CDC27: variants seen among roughly 807,000 people sequenced by gnomAD.
CDC27 encodes the protein cell division cycle protein 27 homolog.
In CDC27, 27 loss-of-function variants were observed where a neutral mutation model predicts 109.7. That is an observed-to-expected ratio of 0.25 (90% CI 0.18 to 0.34). CDC27 has a LOEUF of 0.34. Ranked by LOEUF, CDC27 falls within the 10% of genes least tolerant of loss-of-function variation. The pLI, the probability that CDC27 is intolerant of heterozygous loss-of-function variation, is 1.00. For synonymous variants in CDC27, 266 were observed against 333.9 expected (o/e 0.80, Z 2.22); for missense variants, 579 against 960.2 (o/e 0.60, Z 5.25).
At chr17:47,152,383 G>C (rs532390264) in intron 8 of CDC27, among the ~76,000 whole-genome samples, 5 of 152,196 alleles carry the variant, frequency 3.3e-5, no homozygotes, top group African/African-American at 9.6e-5. Context: ...AAGGAGTTCA[G>C]AGGAGTAGAT....
At chr17:47,124,812 G>A (rs757745638) in intron 16 of CDC27, among the ~76,000 whole-genome samples, 4 of 152,220 alleles carry the variant, frequency 2.6e-5, no homozygotes, top group South Asian at 2.1e-4. Flanking sequence ...GGTAAATAAC[G>A]TCAAGATATT....
At chr17:47,144,611 T>C (rs1399374290) in intron 9 of CDC27, among the ~76,000 whole-genome samples, 2 of 152,186 alleles carry the variant, frequency 1.3e-5, no homozygotes, top group Non-Finnish European at 2.9e-5. Flanking sequence ...CCTCTGTACA[T>C]TTTTACTTTA....
At chr17:47,186,274 A>AC (rs1252425373) in intron 1 of CDC27, among the ~76,000 whole-genome samples, 1 of 152,172 alleles carries the variant, frequency 6.6e-6, no homozygotes, top group Non-Finnish European at 1.5e-5. Flanking sequence ...AAAATATGTT[A>AC]CTCTTTGAAT....
In CDC27 at chr17:47,171,845, C is replaced by T. The variant is rs1315398826; in HGVS notation, c.251+72G>A. ...GGAAGAAAGGGAATCAGAGTTTAATCTGAAAGGAATTTTATCCAAAATTCA... is the reference window on the plus strand; with the variant it reads ...GGAAGAAAGGGAATCAGAGTTTAATTTGAAAGGAATTTTATCCAAAATTCA... On this transcript the variant is annotated intron_variant, in intron 3 of 18. Transcript: ENST00000066544. The T allele has an allele frequency of 2.9e-6, 3 of 1,024,302 alleles. No individual in the cohort carries two copies. In the East Asian group the frequency reaches 7.9e-5, roughly 27 times the overall value. The allele number at this position is 1,024,302 out of a possible 1,614,324, so 63.5% of individuals were successfully genotyped here. A position where few individuals can be genotyped will look rare whatever the true frequency, so the allele number is the denominator to read the frequency against.
chr17:47,184,233 T>C (rs1404719754), intron 1 of CDC27, among the ~76,000 whole-genome samples: 1 of 152,238 alleles, frequency 6.6e-6, no homozygotes, highest in Non-Finnish European at 1.5e-5. Context: ...GTTTTGTGGA[T>C]TAAATGAAAT....
chr17:47,182,044 A>G (rs1216117315), intron 1 of CDC27, among the ~76,000 whole-genome samples: 4 of 152,200 alleles, frequency 2.6e-5, no homozygotes, highest in Admixed American at 6.5e-5. Context: ...CACTCATAAC[A>G]TGGTTATTTG....
At chr17:47,124,409 G>A (rs762526779) in intron 16 of CDC27, among the ~76,000 whole-genome samples, 6 of 152,090 alleles carry the variant, frequency 3.9e-5, no homozygotes, top group South Asian at 2.1e-4. Context: ...TCAGCCTCCC[G>A]CGTAACTGGG....
At chr17:47,142,086 G>A in intron 11 of CDC27, 61 bp from the exon 12 acceptor site, 1 of 1,318,984 alleles carries the variant, frequency 7.6e-7, no homozygotes, top group East Asian at 2.4e-5. Context: ...TGCTTCTCTA[G>A]AAAAGGTAAT....
intron 2 of CDC27, among the ~76,000 whole-genome samples, chr17:47,178,941 T>C (rs2064121016): frequency 6.6e-6 from 1 of 152,210 alleles, no homozygotes; most frequent in Non-Finnish European, 1.5e-5. Flanking sequence ...TGGCTGGGAT[T>C]ACAGGCATGT....
At chr17:47,131,761 T>C (rs2062343991) in intron 15 of CDC27, among the ~76,000 whole-genome samples, 1 of 145,180 alleles carries the variant, frequency 6.9e-6, no homozygotes, top group African/African-American at 2.6e-5. Flanking sequence ...CTTGCACTCC[T>C]GGGCTCAAGT....
chr17:47,133,848 A>C (rs1403907186), intron 14 of CDC27, among the ~76,000 whole-genome samples: 2 of 151,934 alleles, frequency 1.3e-5, no homozygotes, highest in Admixed American at 6.6e-5. Context: ...TCCTGGGTTC[A>C]AGCGATTTTC....
chr17:47,185,020 T>G (rs180917098), intron 1 of CDC27, among the ~76,000 whole-genome samples: 1 of 152,342 alleles, frequency 6.6e-6, no homozygotes, highest in African/African-American at 2.4e-5. Flanking sequence ...GACTGATTAA[T>G]GGGTTAGTCC....
chr17:47,170,144 AT>A, intron 3 of CDC27, 102 bp from the exon 4 acceptor site: 1 of 823,492 alleles, frequency 1.2e-6, no homozygotes, highest in Non-Finnish European at 1.8e-6. Context: ...GGAGACACAA[AT>A]TTTTTCTCTC....
chr17:47,184,353 G>A (rs1223332781), intron 1 of CDC27, among the ~76,000 whole-genome samples: 1 of 152,088 alleles, frequency 6.6e-6, no homozygotes, highest in Admixed American at 6.6e-5. Context: ...AGTTTCTGTT[G>A]CATAACATCT....
chr17:47,152,623 C>T (rs2063184923), intron 8 of CDC27, among the ~76,000 whole-genome samples: 1 of 152,084 alleles, frequency 6.6e-6, no homozygotes. Flanking sequence ...CACTGTTTTT[C>T]CCCTTTGGCT....
chr17:47,120,439 T>C lies in CDC27; in HGVS notation c.*496A>G, dbSNP rs2061955857. The C allele has an allele frequency of 1.3e-5, 2 of 153,974 alleles. No individual in the cohort carries two copies. The highest frequency in any genetic ancestry group is 4.8e-5 in the African/African-American group (2 of 41,462). 9.5% of individuals were successfully genotyped at this position (153,974 alleles called of 1,614,324 possible). On this transcript the variant is annotated 3_prime_UTR_variant, in exon 19 of 19. Coordinates refer to ENST00000066544, the MANE Select transcript of CDC27 (RefSeq NM_001256.6). ...TTACATTCCTTGGCAATCAAGTCACTGTTATAGGCAACGTCTTTTATTGTT... is the reference window on the plus strand; with the variant it reads ...TTACATTCCTTGGCAATCAAGTCACCGTTATAGGCAACGTCTTTTATTGTT...
intron 8 of CDC27, among the ~76,000 whole-genome samples, chr17:47,152,922 G>C (rs554895856): frequency 6.6e-6 from 1 of 152,174 alleles, no homozygotes; most frequent in South Asian, 2.1e-4. Flanking sequence ...TCTTTCCCTA[G>C]GAGAGCCTGG....
intron 1 of CDC27, among the ~76,000 whole-genome samples, chr17:47,187,476 A>G (rs1214448897): frequency 4.6e-5 from 7 of 151,372 alleles, no homozygotes; most frequent in Non-Finnish European, 1.0e-4. Flanking sequence ...AATTTTTTAT[A>G]TTTTTAGTAG....
rs1486583275 is a variant in CDC27 at position 47,143,978 on chromosome 17, T to G, written c.1075A>C (p.Thr359Pro). 1 of 1,407,252 alleles carries G rather than the reference T, an allele frequency of 7.1e-7. No individual in the cohort carries two copies. The highest frequency in any genetic ancestry group is 9.4e-7 in the Non-Finnish European group (1 of 1,066,108). The allele number at this position is 1,407,252 out of a possible 1,614,324, so 87.2% of individuals were successfully genotyped here. A position where few individuals can be genotyped will look rare whatever the true frequency, so the allele number is the denominator to read the frequency against. ...TQSSGPQTST[T>P]PQVLSPTITS... ...ATAGTGGGGCTCAATACCTGAGGTG[T>G]TGTACTAAAAAAAAATTATAAAGGA... The change falls in exon 10 of 19, where the codon ACA (threonine) becomes CCA (proline). Residue 359 changes from threonine to proline, a missense_variant. Transcript: ENST00000066544.
Sources: gnomAD v4.1 joint callset for allele counts (sites outside exome capture counted in the v4.1 genomes callset) on GRCh38, gnomAD v4.1.1 for gene constraint, MANE v1.5 for transcripts, NCBI Gene and HGNC (gene_info 2026-07-23, HGNC 2026-07-21) for gene names.